ROBO1: variants seen among roughly 807,000 people sequenced by gnomAD.
ROBO1 encodes roundabout homolog 1.
Under a neutral mutation model 195.9 loss-of-function variants are expected in ROBO1, and 149 were observed. That is an observed-to-expected ratio of 0.76 (90% CI 0.67 to 0.87). The LOEUF (loss-of-function observed/expected upper bound fraction) is 0.87, where lower values mean the gene tolerates loss of function less well. Among genes scored for constraint, ROBO1 ranks in the 40% least tolerant of loss-of-function variants. The pLI is 0.00. For missense variants in ROBO1, 1,933 were observed against 2,068.3 expected (o/e 0.93, Z 1.27); for synonymous variants, 816 against 733.2 (o/e 1.11, Z -1.82).
chr3:79,617,535 T>C (rs1439566426), intron 1 of ROBO1, among the ~76,000 whole-genome samples: 1 of 152,086 alleles, frequency 6.6e-6, no homozygotes, highest in Non-Finnish European at 1.5e-5. Context: ...ATACAACTTA[T>C]ATTACAGCCC....
chr3:79,094,009 T>G (rs909994652), intron 3 of ROBO1, among the ~76,000 whole-genome samples: 8 of 152,082 alleles, frequency 5.3e-5, no homozygotes, highest in East Asian at 1.9e-4. Context: ...TTTTGGGCAG[T>G]AGCTTCAAGG....
At chr3:78,787,178 A>G (rs992822454) in intron 4 of ROBO1, among the ~76,000 whole-genome samples, 1 of 152,184 alleles carries the variant, frequency 6.6e-6, no homozygotes, top group African/African-American at 2.4e-5. Context: ...AAGGAACCAT[A>G]CTTTGAGGAT....
chr3:78,815,682 CGAG>C (rs2084879452), intron 4 of ROBO1, among the ~76,000 whole-genome samples: 1 of 152,128 alleles, frequency 6.6e-6, no homozygotes, highest in African/African-American at 2.4e-5. Flanking sequence ...GATTTCATCT[CGAG>C]GAACCACTTT....
intron 2 of ROBO1, among the ~76,000 whole-genome samples, chr3:79,241,353 CATTT>C (rs1483259470): frequency 6.6e-6 from 1 of 152,132 alleles, no homozygotes; most frequent in Admixed American, 6.5e-5. Flanking sequence ...GCCATACATT[CATTT>C]ATTATTCATA....
chr3:79,399,304 C>A (rs547571558), intron 2 of ROBO1, among the ~76,000 whole-genome samples: 7 of 152,112 alleles, frequency 4.6e-5, no homozygotes, highest in African/African-American at 1.7e-4. Context: ...AGATTAAAAT[C>A]TCAATCCCTT....
At chr3:79,028,530 T>C (rs1299304445) in intron 3 of ROBO1, among the ~76,000 whole-genome samples, 1 of 152,004 alleles carries the variant, frequency 6.6e-6, no homozygotes, top group Non-Finnish European at 1.5e-5. Flanking sequence ...CATAATCTGA[T>C]TCTTTAAAGT....
chr3:79,258,559 C>A (rs916291622), intron 2 of ROBO1, among the ~76,000 whole-genome samples: 2 of 152,090 alleles, frequency 1.3e-5, no homozygotes, highest in Non-Finnish European at 2.9e-5. Context: ...GCTGTCTATG[C>A]CAATATTAAT....
intron 2 of ROBO1, among the ~76,000 whole-genome samples, chr3:79,492,340 G>A (rs748757390): frequency 1.3e-5 from 2 of 148,650 alleles, no homozygotes; most frequent in East Asian, 2.0e-4. Flanking sequence ...CAGGAGAATC[G>A]CTTGAACCCG....
chr3:79,222,134 A>C (rs2082151361), intron 2 of ROBO1, among the ~76,000 whole-genome samples: 1 of 152,014 alleles, frequency 6.6e-6, no homozygotes, highest in South Asian at 2.1e-4. Flanking sequence ...CTGTGATACC[A>C]TCTTCTCTTC....
At chr3:79,298,073 A>C (rs980359705) in intron 2 of ROBO1, among the ~76,000 whole-genome samples, 1 of 152,182 alleles carries the variant, frequency 6.6e-6, no homozygotes, top group African/African-American at 2.4e-5. Flanking sequence ...TACTATTCTC[A>C]AAGTGATAAT....
At chr3:79,720,792 A>ATTTTTT (rs36105372) in intron 1 of ROBO1, among the ~76,000 whole-genome samples, 1,572 of 142,962 alleles carry the variant, frequency 0.011, 13 homozygotes, top group Non-Finnish European at 0.017. Context: ...GGAGTTGCTA[A>ATTTTTT]TTTTTTTTTT....
chr3:79,376,477 G>A (rs1327515580), intron 2 of ROBO1, among the ~76,000 whole-genome samples: 1 of 152,116 alleles, frequency 6.6e-6, no homozygotes, highest in East Asian at 1.9e-4. Flanking sequence ...TGTAGCTATC[G>A]CAATTCCCAT....
At chr3:79,572,945 G>T (rs1193564607) in intron 2 of ROBO1, among the ~76,000 whole-genome samples, 2 of 152,104 alleles carry the variant, frequency 1.3e-5, no homozygotes, top group Non-Finnish European at 2.9e-5. Context: ...CAGCGTGGAG[G>T]TAGAATGGAT....
At position 78,991,265 on chromosome 3, in the gene ROBO1, C is replaced by G. The variant is rs146590306; in HGVS notation, c.173-52338G>C. ...CACCAATGAACAAGAGATATTAGTACAATTTGAACATGTTCAGGAATTAAA... is the reference window on the plus strand; with the variant it reads ...CACCAATGAACAAGAGATATTAGTAGAATTTGAACATGTTCAGGAATTAAA... On this transcript the variant is annotated intron_variant, in intron 3 of 30. Transcript: ENST00000464233. 5.1e-4 allele frequency among the ~76,000 whole-genome samples: 77 copies of G among 152,170 alleles called. 1 individual carries two copies. In the East Asian group the frequency reaches 0.011, roughly 23 times the overall value.
At chr3:78,693,496 C>T (rs2107874138) in intron 8 of ROBO1, 1 of 652,298 alleles carries the variant, frequency 1.5e-6, no homozygotes, top group Non-Finnish European at 2.7e-6. Flanking sequence ...ATATATGGCT[C>T]ACACTGTACA....
At chr3:78,710,868 T>G (rs1254873156) in intron 8 of ROBO1, among the ~76,000 whole-genome samples, 2 of 152,208 alleles carry the variant, frequency 1.3e-5, no homozygotes, top group Non-Finnish European at 1.5e-5. Context: ...GTGAAGTTGC[T>G]CGTTTAAAAA....
intron 8 of ROBO1, among the ~76,000 whole-genome samples, chr3:78,696,043 C>G (rs2081281165): frequency 6.6e-6 from 1 of 150,608 alleles, no homozygotes; most frequent in Admixed American, 6.6e-5. Context: ...AAAGGATTTC[C>G]TTTCCATACA....
At chr3:79,423,205 C>A (rs2106950800) in intron 2 of ROBO1, among the ~76,000 whole-genome samples, 1 of 152,114 alleles carries the variant, frequency 6.6e-6, no homozygotes, top group Non-Finnish European at 1.5e-5. Context: ...CATTCATAGA[C>A]CAAGAGGTAG....
chr3:79,060,806 A>T (rs968083077), intron 3 of ROBO1, among the ~76,000 whole-genome samples: 3 of 152,280 alleles, frequency 2.0e-5, no homozygotes, highest in Non-Finnish European at 4.4e-5. Flanking sequence ...ACAGCGCTTT[A>T]TGCTAAAAAC....
Sources: allele counts gnomAD v4.1 joint callset (sites outside exome capture counted in the v4.1 genomes callset), GRCh38; gene constraint gnomAD v4.1.1; transcripts MANE v1.5; gene names NCBI Gene and HGNC (gene_info 2026-07-23, HGNC 2026-07-21).